NGEF: variants seen among roughly 807,000 people sequenced by gnomAD.
NGEF encodes the protein neuronal guanine nucleotide exchange factor.
In NGEF, 31 loss-of-function variants were observed where a neutral mutation model predicts 80.9. The ratio of observed to expected loss-of-function variants is 0.38; its 90% CI spans 0.29 to 0.52. The LOEUF (loss-of-function observed/expected upper bound fraction) is 0.52, where lower values mean the gene tolerates loss of function less well. Ranked by LOEUF, NGEF falls within the 20% of genes least tolerant of loss-of-function variation. The probability of loss-of-function intolerance (pLI) is 0.84; values close to 1 mark genes in which losing one functional copy is unlikely to be tolerated. For missense variants in NGEF, 709 were observed against 926.2 expected (o/e 0.77, Z 3.04); for synonymous variants, 371 against 370.2 (o/e 1.00, Z -0.03).
chr2:232,947,547 T>C (rs1482900452), intron 3 of NGEF, among the ~76,000 whole-genome samples: 1 of 152,158 alleles, frequency 6.6e-6, no homozygotes, highest in Non-Finnish European at 1.5e-5. Context: ...TTATAAATGG[T>C]AGTTTTTCCT....
rs61594239 is a variant in NGEF, at chr2:232,972,744, CTTTTTTTTTTTTTTTT to C, written c.268+1863_268+1878del. On this transcript the variant is annotated intron_variant, in intron 2 of 14. Coordinates refer to ENST00000264051, the MANE Select transcript of NGEF (RefSeq NM_019850.3). ...CTTTCTCCCCAGCCATGTCCTTATC[CTTTTTTTTTTTTTTTT>C]TTTTTTTTTTTTTTGAGATGGAGTC... 1.1e-4 allele frequency among the ~76,000 whole-genome samples: 13 copies of C among 123,386 alleles called. No individual in the cohort carries two copies. The East Asian group carries it at 3.6e-3, about 34-fold the overall frequency. The allele number at this position is 123,386 out of a possible 152,430, so 80.9% of individuals were successfully genotyped here. A position where few individuals can be genotyped will look rare whatever the true frequency, so the allele number is the denominator to read the frequency against.
At chr2:232,972,126 T>C (rs1694207063) in intron 2 of NGEF, among the ~76,000 whole-genome samples, 1 of 152,206 alleles carries the variant, frequency 6.6e-6, no homozygotes, top group African/African-American at 2.4e-5. Context: ...TTAAGGGTAT[T>C]TGGATCAATT....
At chr2:232,954,750 A>C (rs910036606) in intron 3 of NGEF, among the ~76,000 whole-genome samples, 3 of 146,990 alleles carry the variant, frequency 2.0e-5, no homozygotes, top group Admixed American at 6.8e-5. Context: ...AAAAGAGAGG[A>C]GCTCCTAATG....
chr2:232,885,279 CCTTGAT>C lies in NGEF; in HGVS notation c.1432_1437del (p.Ile478_Lys479del). ...GGCTCACACCAATCCCACCGGTTCA[CCTTGAT>C]CTTGAACTCCATCTTCTTCTGAATG... On this transcript the variant is annotated inframe_deletion and splice_region_variant, in exon 10 of 15. Coordinates refer to ENST00000264051, the MANE Select transcript of NGEF (RefSeq NM_019850.3). 6.2e-7 allele frequency: 1 copy of C among 1,613,754 alleles called. No individual in the cohort carries two copies. The highest frequency in any genetic ancestry group is 8.5e-7 in the Non-Finnish European group (1 of 1,179,880).
At chr2:232,911,359 TG>T (rs1185550240) in intron 5 of NGEF, among the ~76,000 whole-genome samples, 3 of 152,360 alleles carry the variant, frequency 2.0e-5, no homozygotes, top group Admixed American at 1.3e-4. Flanking sequence ...TCTGTTCCAC[TG>T]ATCTATGTGT....
intron 1 of NGEF, among the ~76,000 whole-genome samples, chr2:233,005,659 G>C (rs1209148205): frequency 6.6e-6 from 1 of 152,172 alleles, no homozygotes; most frequent in Non-Finnish European, 1.5e-5. Flanking sequence ...AAGCAAAGTA[G>C]TTCGGGCAGC....
At chr2:232,906,401 G>A (rs1168440718) in intron 5 of NGEF, among the ~76,000 whole-genome samples, 1 of 108,496 alleles carries the variant, frequency 9.2e-6, no homozygotes, top group African/African-American at 3.4e-5. Flanking sequence ...AGGTGGGGGG[G>A]TCAGCCCCCC....
intron 1 of NGEF, 55 bp from the exon 2 acceptor site, chr2:232,975,019 T>A: frequency 2.2e-6 from 2 of 897,796 alleles, no homozygotes; most frequent in Non-Finnish European, 3.3e-6. Flanking sequence ...AGTATTCTAT[T>A]CAGACTGTGG....
intron 1 of NGEF, among the ~76,000 whole-genome samples, chr2:232,976,492 G>A (rs1305121739): frequency 6.6e-6 from 1 of 152,132 alleles, no homozygotes; most frequent in Non-Finnish European, 1.5e-5. Context: ...ACCCCAGGCC[G>A]AGAATGCCTT....
chr2:232,946,004 CAT>C (rs1032676328), intron 3 of NGEF, among the ~76,000 whole-genome samples: 1 of 149,778 alleles, frequency 6.7e-6, no homozygotes, highest in South Asian at 2.1e-4. Flanking sequence ...CTGTGATATC[CAT>C]ATATATATAT....
intron 5 of NGEF, among the ~76,000 whole-genome samples, chr2:232,904,491 A>C (rs1282472751): frequency 6.6e-6 from 1 of 152,182 alleles, no homozygotes; most frequent in African/African-American, 2.4e-5. Context: ...GGTCTCCCAA[A>C]GTGCTGGGAG....
At position 233,013,004 on chromosome 2, in the gene NGEF, T is replaced by C. The variant is rs1423429336; in HGVS notation, c.-75+64A>G. 6 of 458,672 alleles carry C rather than the reference T, an allele frequency of 1.3e-5. No individual in the cohort carries two copies. The Admixed American group carries it at 1.5e-4, about 11-fold the overall frequency. The allele number at this position is 458,672 out of a possible 1,614,324, so 28.4% of individuals were successfully genotyped here. On this transcript the variant is annotated intron_variant, in intron 1 of 14. Coordinates refer to ENST00000264051, the MANE Select transcript of NGEF (RefSeq NM_019850.3). ...TTTCCTACCTGTCCTAGCGGTAGCC[T>C]CTGTTCCTTCTCTTGTTTTATCTCA...
At chr2:232,921,004 T>C (rs1692931404) in intron 4 of NGEF, among the ~76,000 whole-genome samples, 2 of 152,196 alleles carry the variant, frequency 1.3e-5, no homozygotes, top group African/African-American at 4.8e-5. Context: ...GGAATATTCA[T>C]TTGTGCAGTG....
chr2:232,881,996 G>A (rs1418060186), intron 13 of NGEF, among the ~76,000 whole-genome samples, 190 bp downstream of exon 13: 4 of 152,222 alleles, frequency 2.6e-5, no homozygotes, highest in Non-Finnish European at 5.9e-5. Flanking sequence ...CATTCACACA[G>A]TGTGGCCATG....
At chr2:232,886,028 G>A (rs1435190974) in intron 9 of NGEF, among the ~76,000 whole-genome samples, 1 of 152,238 alleles carries the variant, frequency 6.6e-6, no homozygotes, top group Non-Finnish European at 1.5e-5. Context: ...ACCTGCACTC[G>A]AATGCGGGGC....
chr2:232,889,244 A>C (rs1226905351), intron 8 of NGEF, among the ~76,000 whole-genome samples: 2 of 152,230 alleles, frequency 1.3e-5, no homozygotes, highest in African/African-American at 4.8e-5. Flanking sequence ...TCTCACAGGC[A>C]TAAAAGCTGC....
intron 11 of NGEF, among the ~76,000 whole-genome samples, 174 bp downstream of exon 11, chr2:232,883,807 G>T (rs1691590252): frequency 1.3e-5 from 2 of 152,194 alleles, no homozygotes; most frequent in Non-Finnish European, 2.9e-5. Flanking sequence ...TTAGGAACGT[G>T]AAATAACCTT....
intron 5 of NGEF, among the ~76,000 whole-genome samples, chr2:232,910,461 G>C (rs1036409335): frequency 6.6e-6 from 1 of 151,854 alleles, no homozygotes; most frequent in Non-Finnish European, 1.5e-5. Context: ...GGGGTGGGGG[G>C]GGTAATGGGG....
chr2:232,993,080 C>T (rs552114786), intron 1 of NGEF, among the ~76,000 whole-genome samples: 71 of 55,388 alleles, frequency 1.3e-3, no homozygotes, highest in South Asian at 0.012. Context: ...TGTATCTATA[C>T]GGGCAAATAT....
Sources: gnomAD v4.1 joint callset for allele counts (sites outside exome capture counted in the v4.1 genomes callset) on GRCh38, gnomAD v4.1.1 for gene constraint, MANE v1.5 for transcripts, NCBI Gene and HGNC (gene_info 2026-07-23, HGNC 2026-07-21) for gene names.